Variants in TFDP2 observed in about 807,000 individuals in gnomAD.
TFDP2 encodes the protein transcription factor Dp-2.
TFDP2 carries 17 observed loss-of-function variants against 59.3 expected under a neutral mutation model. The observed-to-expected ratio is 0.29, with a 90% CI of 0.20 to 0.43. TFDP2 has a LOEUF of 0.43. Ranked by LOEUF, TFDP2 falls within the 20% of genes least tolerant of loss-of-function variation. The pLI, the probability that TFDP2 is intolerant of heterozygous loss-of-function variation, is 1.00. For synonymous variants in TFDP2, 180 were observed against 194.7 expected (o/e 0.92, Z 0.63); for missense variants, 391 against 528.8 (o/e 0.74, Z 2.56).
At chr3:142,041,405 G>T (rs752545424) in intron 3 of TFDP2, among the ~76,000 whole-genome samples, 1 of 152,120 alleles carries the variant, frequency 6.6e-6, no homozygotes, top group Non-Finnish European at 1.5e-5. Flanking sequence ...GAATCATGAG[G>T]GCGGGTTTTT....
chr3:142,034,491 C>G (rs1258738229), intron 3 of TFDP2, among the ~76,000 whole-genome samples: 1 of 152,070 alleles, frequency 6.6e-6, no homozygotes, highest in African/African-American at 2.4e-5. Context: ...GAAAAATAAA[C>G]AAGACATTGT....
intron 1 of TFDP2, among the ~76,000 whole-genome samples, chr3:142,128,273 T>C (rs148281099): frequency 2.0e-5 from 3 of 152,234 alleles, no homozygotes; most frequent in Non-Finnish European, 2.9e-5. Flanking sequence ...TTTAAGGACA[T>C]AGAAACTAGG....
At chr3:141,961,335 C>G (rs531509872) in intron 10 of TFDP2, among the ~76,000 whole-genome samples, 11 of 150,566 alleles carry the variant, frequency 7.3e-5, no homozygotes, top group African/African-American at 2.7e-4. Context: ...ACTTCACCTC[C>G]TGGGTTCAAG....
At chr3:142,008,466 C>G (rs951040051) in intron 3 of TFDP2, among the ~76,000 whole-genome samples, 1 of 152,030 alleles carries the variant, frequency 6.6e-6, no homozygotes, top group Non-Finnish European at 1.5e-5. Flanking sequence ...TCAGCTGCTC[C>G]CTCCACATGT....
chr3:142,001,180 C>A (rs979169522), intron 4 of TFDP2, among the ~76,000 whole-genome samples: 5 of 152,194 alleles, frequency 3.3e-5, no homozygotes, highest in Non-Finnish European at 7.4e-5. Context: ...CTTTTGAAAT[C>A]TAGGTGGAAG....
chr3:141,952,823 T>A (rs751006530), intron 12 of TFDP2, 88 bp downstream of exon 12: 1 of 1,543,986 alleles, frequency 6.5e-7, no homozygotes, highest in South Asian at 1.1e-5. Context: ...GCAGGACCTG[T>A]GCTGGCAGTA....
chr3:142,063,738 T>C (rs1177050004), intron 3 of TFDP2, among the ~76,000 whole-genome samples: 1 of 152,198 alleles, frequency 6.6e-6, no homozygotes, highest in East Asian at 1.9e-4. Flanking sequence ...GCTCCTTAGT[T>C]GGTGAAGCCT....
intron 3 of TFDP2, among the ~76,000 whole-genome samples, chr3:142,087,206 A>G (rs1263108370): frequency 1.3e-5 from 2 of 152,238 alleles, no homozygotes; most frequent in Non-Finnish European, 1.5e-5. Context: ...TCATGTGTCA[A>G]CTGGCAATGG....
At chr3:142,006,409 T>C (rs941000926) in intron 3 of TFDP2, among the ~76,000 whole-genome samples, 2 of 151,994 alleles carry the variant, frequency 1.3e-5, no homozygotes, top group African/African-American at 4.8e-5. Flanking sequence ...CCTTCTTAGT[T>C]GCCTTCCTCA....
chr3:142,039,147 C>A (rs897977764), intron 3 of TFDP2, among the ~76,000 whole-genome samples: 2 of 152,158 alleles, frequency 1.3e-5, no homozygotes, highest in Non-Finnish European at 2.9e-5. Context: ...CAGTTTTTGT[C>A]ATTTACATTT....
At chr3:142,066,683 A>G (rs956924850) in intron 3 of TFDP2, among the ~76,000 whole-genome samples, 2 of 152,088 alleles carry the variant, frequency 1.3e-5, no homozygotes, top group African/African-American at 4.8e-5. Context: ...GGGGACTCTA[A>G]CTTCAGCTGG....
intron 2 of TFDP2, among the ~76,000 whole-genome samples, chr3:142,094,924 G>A (rs2108625592): frequency 6.6e-6 from 1 of 152,196 alleles, no homozygotes; most frequent in South Asian, 2.1e-4. Context: ...AGATTTTAAA[G>A]CACACAAAGC....
intron 1 of TFDP2, among the ~76,000 whole-genome samples, chr3:142,117,543 A>C (rs2061888767): frequency 6.6e-6 from 1 of 152,118 alleles, no homozygotes; most frequent in South Asian, 2.1e-4. Context: ...AGAGGGGCAA[A>C]GGGGATTTGC....
chr3:142,101,934 G>A, intron 1 of TFDP2, 93 bp from the exon 2 acceptor site: 1 of 429,002 alleles, frequency 2.3e-6, no homozygotes, highest in Non-Finnish European at 4.2e-6. Context: ...TGTTATCTAA[G>A]TGAACTGTCT....
At chr3:142,056,512 A>G (rs2059752509) in intron 3 of TFDP2, among the ~76,000 whole-genome samples, 1 of 152,160 alleles carries the variant, frequency 6.6e-6, no homozygotes, top group Non-Finnish European at 1.5e-5. Flanking sequence ...TTAAATTTGA[A>G]TTTTAGATGA....
chr3:141,948,338 TC>T lies in TFDP2; in HGVS notation c.*4174del, dbSNP rs1209962778. 8 of 151,878 alleles carry T rather than the reference TC, an allele frequency of 5.3e-5. No individual in the cohort carries two copies. Among genetic ancestry groups the T allele is most frequent in the Admixed American group, 5.2e-4 (8 of 15,248 alleles). The allele number at this position is 151,878 out of a possible 1,614,324, so 9.4% of individuals were successfully genotyped here. On this transcript the variant is annotated 3_prime_UTR_variant, in exon 13 of 13. Coordinates refer to ENST00000489671, the MANE Select transcript of TFDP2 (RefSeq NM_001178139.2). ...GGGCAGATCACCTGAGGTCAGGAGT[TC>T]GACACCAGCCTGGGCAACACGGTGA...
chr3:142,023,667 T>A (rs1945848426), intron 3 of TFDP2, among the ~76,000 whole-genome samples: 1 of 152,228 alleles, frequency 6.6e-6, no homozygotes, highest in African/African-American at 2.4e-5. Flanking sequence ...GTTATTGATA[T>A]TATAATCTCA....
At chr3:142,091,835 T>G (rs915672809) in intron 3 of TFDP2, among the ~76,000 whole-genome samples, 5 of 152,158 alleles carry the variant, frequency 3.3e-5, no homozygotes, top group Non-Finnish European at 7.3e-5. Flanking sequence ...CGCCCTCCTA[T>G]GAGAATCTAA....
chr3:142,011,298 G>A lies in TFDP2; in HGVS notation c.83-5754C>T, dbSNP rs1229975027. Among the ~76,000 whole-genome samples the A allele has an allele frequency of 6.8e-3, 782 of 115,478 alleles. 5 individuals carry two copies. The highest frequency in any genetic ancestry group is 0.014 in the Admixed American group (154 of 10,708). 75.8% of individuals were successfully genotyped at this position (115,478 alleles called of 152,430 possible). On this transcript the variant is annotated intron_variant, in intron 3 of 12. Transcript: ENST00000489671. Reference sequence around the variant, plus strand: ...AGTTCATGTCCTTTGTAGGGACATGGATGAAATTGGAAATCATCATTCTCA... The same window carrying A: ...AGTTCATGTCCTTTGTAGGGACATGAATGAAATTGGAAATCATCATTCTCA...
Sources: allele counts gnomAD v4.1 joint callset (sites outside exome capture counted in the v4.1 genomes callset), GRCh38; gene constraint gnomAD v4.1.1; transcripts MANE v1.5; gene names NCBI Gene and HGNC (gene_info 2026-07-23, HGNC 2026-07-21).